TENM4: variants seen among roughly 807,000 people sequenced by gnomAD.
TENM4 encodes teneurin-4.
A neutral mutation model predicts 243.3 loss-of-function variants in TENM4; 82 were observed. The observed-to-expected ratio is 0.34, with a 90% CI of 0.28 to 0.40. The LOEUF (loss-of-function observed/expected upper bound fraction) is 0.40, where lower values mean the gene tolerates loss of function less well. Among genes scored for constraint, TENM4 ranks in the 10% least tolerant of loss-of-function variants. The pLI, the probability that TENM4 is intolerant of heterozygous loss-of-function variation, is 1.00. For missense variants in TENM4, 3,138 were observed against 3,673.3 expected (o/e 0.85, Z 3.77); for synonymous variants, 1,412 against 1,456.3 (o/e 0.97, Z 0.69).
rs368824595 is a variant in TENM4 at position 78,947,993 on chromosome 11, C to A, written c.494-44470G>T. On this transcript the variant is annotated intron_variant, in intron 6 of 33. Transcript: ENST00000278550. ...GCTCTCATGAAAAAAAGCACCCAAT[C>A]TCACCCGTCCCAAGAAATCTTTCCA... is the stretch of plus-strand genomic sequence containing the variant. Among the ~76,000 whole-genome samples, 96 of 152,286 alleles carry A rather than the reference C, an allele frequency of 6.3e-4. 1 individual carries two copies. The East Asian group carries it at 0.011, about 17-fold the overall frequency.
chr11:79,178,531 C>T (rs1351707388), intron 3 of TENM4, among the ~76,000 whole-genome samples: 2 of 152,126 alleles, frequency 1.3e-5, no homozygotes, highest in East Asian at 1.9e-4. Flanking sequence ...AGCAGAGACC[C>T]TCAGCAAACA....
intron 4 of TENM4, among the ~76,000 whole-genome samples, chr11:79,079,006 C>CA (rs1565194727): frequency 6.6e-6 from 1 of 152,220 alleles, no homozygotes; most frequent in East Asian, 1.9e-4. Flanking sequence ...TTTTAAAAAA[C>CA]ATTATTAATT....
intron 4 of TENM4, among the ~76,000 whole-genome samples, chr11:79,132,597 T>C (rs1862032228): frequency 6.6e-6 from 1 of 151,980 alleles, no homozygotes; most frequent in Non-Finnish European, 1.5e-5. Flanking sequence ...TGATAGGCCA[T>C]AAAATGAGCC....
intron 12 of TENM4, among the ~76,000 whole-genome samples, chr11:78,826,075 C>T (rs956130030): frequency 2.1e-5 from 3 of 143,538 alleles, no homozygotes; most frequent in Non-Finnish European, 4.5e-5. Flanking sequence ...AAATCCCCCT[C>T]CTTTTTTTTT....
At chr11:79,218,786 C>T (rs772479226) in intron 2 of TENM4, among the ~76,000 whole-genome samples, 2 of 152,176 alleles carry the variant, frequency 1.3e-5, no homozygotes, top group African/African-American at 4.8e-5. Context: ...GTTAATGAAA[C>T]TAAAATGCTC....
At chr11:78,917,546 C>G in intron 6 of TENM4, among the ~76,000 whole-genome samples, 1 of 152,038 alleles carries the variant, frequency 6.6e-6, no homozygotes, top group East Asian at 1.9e-4. Flanking sequence ...TTCCATCCAT[C>G]AATGTCCATA....
At chr11:79,408,773 A>G (rs1317485651) in intron 1 of TENM4, among the ~76,000 whole-genome samples, 1 of 152,188 alleles carries the variant, frequency 6.6e-6, no homozygotes, top group Admixed American at 6.5e-5. Context: ...AAAGGAAGGC[A>G]TATGCAGTGG....
At chr11:78,676,080 G>C in intron 30 of TENM4, 72 bp downstream of exon 30, 1 of 1,363,608 alleles carries the variant, frequency 7.3e-7, no homozygotes, top group Non-Finnish European at 9.7e-7. Context: ...GGAATTTCAA[G>C]AACAGAGCCC....
At chr11:79,159,358 G>T (rs1862693939) in intron 3 of TENM4, among the ~76,000 whole-genome samples, 2 of 152,086 alleles carry the variant, frequency 1.3e-5, no homozygotes, top group African/African-American at 4.8e-5. Flanking sequence ...CTACGCACTA[G>T]GTAGCATCAC....
At chr11:79,397,608 C>A (rs1858372231) in intron 1 of TENM4, among the ~76,000 whole-genome samples, 3 of 152,158 alleles carry the variant, frequency 2.0e-5, no homozygotes, top group African/African-American at 7.2e-5. Flanking sequence ...ACCCCAGCAA[C>A]CAGATACAGA....
chr11:78,859,344 AG>A (rs1428174938), intron 10 of TENM4, among the ~76,000 whole-genome samples: 10 of 152,196 alleles, frequency 6.6e-5, no homozygotes, highest in African/African-American at 2.4e-4. Context: ...CACTGCAAAA[AG>A]CTTAGGTCAC....
chr11:78,805,139 G>A (rs1857360083), intron 15 of TENM4, among the ~76,000 whole-genome samples, 153 bp downstream of exon 15: 1 of 152,156 alleles, frequency 6.6e-6, no homozygotes, highest in African/African-American at 2.4e-5. Flanking sequence ...TAAGAGTAGA[G>A]GTGTTGAAGG....
intron 6 of TENM4, among the ~76,000 whole-genome samples, chr11:78,981,359 G>A (rs1857789700): frequency 6.6e-6 from 1 of 152,170 alleles, no homozygotes; most frequent in African/African-American, 2.4e-5. Context: ...GTCCTGTGGT[G>A]GGGGAAGTAG....
intron 6 of TENM4, among the ~76,000 whole-genome samples, chr11:78,976,300 A>G (rs1346724118): frequency 6.6e-6 from 1 of 152,232 alleles, no homozygotes; most frequent in African/African-American, 2.4e-5. Flanking sequence ...CCAATGAACC[A>G]GGCAAAAAAC....
intron 1 of TENM4, among the ~76,000 whole-genome samples, chr11:79,321,980 C>T (rs1026654336): frequency 6.6e-6 from 1 of 152,078 alleles, no homozygotes; most frequent in East Asian, 1.9e-4. Context: ...TTACATAGGG[C>T]CTGGAAATCA....
chr11:79,258,406 C>T (rs1300908029), intron 2 of TENM4, among the ~76,000 whole-genome samples: 1 of 152,172 alleles, frequency 6.6e-6, no homozygotes, highest in Non-Finnish European at 1.5e-5. Flanking sequence ...GCAGTGGGGC[C>T]TCCATTCAAA....
chr11:79,400,099 CCACACACACACA>C (rs71050221), intron 1 of TENM4, among the ~76,000 whole-genome samples: 11,182 of 140,646 alleles, frequency 0.08, 505 homozygotes, highest in Non-Finnish European at 0.098. Flanking sequence ...TAAACACACA[CCACACACACACA>C]CACACACACA....
intron 19 of TENM4, among the ~76,000 whole-genome samples, chr11:78,740,069 G>A (rs574819520): frequency 6.6e-6 from 1 of 152,334 alleles, no homozygotes; most frequent in East Asian, 1.9e-4. Flanking sequence ...AAAAACGCAG[G>A]TGCTGCGCAC....
chr11:79,012,673 G>A (rs901145002), intron 6 of TENM4, among the ~76,000 whole-genome samples: 1 of 152,202 alleles, frequency 6.6e-6, no homozygotes, highest in African/African-American at 2.4e-5. Context: ...TATAGGAGGA[G>A]GTACAGGATG....
Sources: gnomAD v4.1 joint callset for allele counts (sites outside exome capture counted in the v4.1 genomes callset) on GRCh38, gnomAD v4.1.1 for gene constraint, MANE v1.5 for transcripts, NCBI Gene and HGNC (gene_info 2026-07-23, HGNC 2026-07-21) for gene names.